The following SCRN1 variants were observed in gnomAD, a reference collection of about 807,000 sequenced individuals.
SCRN1 encodes the protein secernin 1, also known as secernin-1.
SCRN1 carries 19 observed loss-of-function variants against 43.3 expected under a neutral mutation model. That is an observed-to-expected ratio of 0.44 (90% CI 0.31 to 0.64). The LOEUF (loss-of-function observed/expected upper bound fraction) is 0.64, where lower values mean the gene tolerates loss of function less well. Among genes scored for constraint, SCRN1 ranks in the 30% least tolerant of loss-of-function variants. The probability of loss-of-function intolerance (pLI) is 0.09; values close to 1 mark genes in which losing one functional copy is unlikely to be tolerated. For missense variants in SCRN1, 447 were observed against 524.1 expected, an observed-to-expected ratio of 0.85 and a Z score of 1.44; for synonymous variants, 183 against 188.9, an observed-to-expected ratio of 0.97 and a Z score of 0.26.
intron 3 of SCRN1, among the ~76,000 whole-genome samples, chr7:29,944,662 C>CAAAAA (rs397729276): frequency 1.3e-5 from 1 of 77,716 alleles, no homozygotes; most frequent in Non-Finnish European, 2.5e-5. Flanking sequence ...GACCCTGTCT[C>CAAAAA]AAAAAAAAAA....
chr7:29,936,814 A>AT, intron 5 of SCRN1, 93 bp from the exon 6 acceptor site: 1 of 1,003,530 alleles, frequency 1.0e-6, no homozygotes, highest in Non-Finnish European at 1.4e-6. Context: ...TGGGAGGCCG[A>AT]GGCGGGCGGA....
At chr7:29,946,936 T>A (rs1787756206) in intron 3 of SCRN1, among the ~76,000 whole-genome samples, 1 of 152,224 alleles carries the variant, frequency 6.6e-6, no homozygotes, top group Admixed American at 6.5e-5. Context: ...ACAAGTCACA[T>A]GGCATCCAGA....
intron 1 of SCRN1, among the ~76,000 whole-genome samples, chr7:29,969,459 C>A (rs950973357): frequency 2.0e-5 from 3 of 152,206 alleles, no homozygotes; most frequent in Non-Finnish European, 2.9e-5. Context: ...AAACTAACTA[C>A]ACAAATGCCT....
At chr7:29,975,868 AT>A (rs1359608928) in intron 1 of SCRN1, among the ~76,000 whole-genome samples, 1 of 152,232 alleles carries the variant, frequency 6.6e-6, no homozygotes, top group African/African-American at 2.4e-5. Flanking sequence ...TGTTAAGAGT[AT>A]TTTAAAGTGC....
intron 1 of SCRN1, among the ~76,000 whole-genome samples, chr7:29,984,204 C>CAAAAAAAAAAAAAAAAAAAAAAAAAA: frequency 1.0e-5 from 1 of 98,252 alleles, no homozygotes; most frequent in Non-Finnish European, 2.0e-5. Flanking sequence ...AGACAGTCTC[C>CAAAAAAAAAAAAAAAAAAAAAAAAAA]AAAAAAAAAA....
chr7:29,934,954 T>C (rs1245622480), intron 6 of SCRN1, among the ~76,000 whole-genome samples: 1 of 152,266 alleles, frequency 6.6e-6, no homozygotes, highest in Non-Finnish European at 1.5e-5. Context: ...GCCTTTTGCA[T>C]GTGCCGTCCT....
chr7:29,968,975 G>A lies in SCRN1; in HGVS notation c.93C>T (p.Pro31=), dbSNP rs1788584184. Residue 31 remains proline, a synonymous_variant, in exon 2 of 8, where the codon CCC becomes CCT. Coordinates refer to ENST00000242059, the MANE Select transcript of SCRN1 (RefSeq NM_014766.5). ...LVVFGKNSAR[P]RDEVQEVVYF... ...ACACAACCTCTTGCACTTCATCTCT[G>A]GGCCGGGCTGAATTTTTCCCAAATA... 6.2e-7 allele frequency: 1 copy of A among 1,614,094 alleles called. No homozygotes were observed. The highest frequency in any genetic ancestry group is 1.3e-5 in the African/African-American group (1 of 75,024).
rs535506337 is a variant in SCRN1 at position 29,952,500 on chromosome 7, G to A, written c.341+2679C>T. Among the ~76,000 whole-genome samples, 25 of 152,182 alleles carry A rather than the reference G, an allele frequency of 1.6e-4. 1 individual carries two copies. The South Asian group carries it at 5.2e-3, about 32-fold the overall frequency. On this transcript the variant is annotated intron_variant, in intron 3 of 7. Coordinates refer to ENST00000242059, the MANE Select transcript of SCRN1 (RefSeq NM_014766.5). The stretch of plus-strand genomic sequence containing the variant: ...AGGTCAGAAGTTCGAGACCAGCCTG[G>A]TCAACATGGTGAAACCCCGTCCCTA...
chr7:29,981,987 C>G (rs1263859066), intron 1 of SCRN1, among the ~76,000 whole-genome samples: 1 of 152,160 alleles, frequency 6.6e-6, no homozygotes, highest in Non-Finnish European at 1.5e-5. Flanking sequence ...CTAGTACAGG[C>G]TAGGCACAAA....
At chr7:29,946,321 A>G (rs1001891093) in intron 3 of SCRN1, among the ~76,000 whole-genome samples, 7 of 152,226 alleles carry the variant, frequency 4.6e-5, no homozygotes, top group African/African-American at 7.2e-5. Context: ...AGGTGCTGTG[A>G]GTGCCTCTCA....
chr7:29,924,105 C>T lies in SCRN1; in HGVS notation c.1097G>A (p.Arg366His), dbSNP rs777886116. Residue 366 changes from arginine (R) to histidine (H), a missense_variant, in exon 8 of 8, where the codon CGC becomes CAC. Physicochemically the swap from Arg to His is conservative, Grantham distance 29. Coordinates refer to ENST00000242059, the MANE Select transcript of SCRN1 (RefSeq NM_014766.5). ...CTCCAGCATGGTGCTCCTCAGCTTG[C>T]GACCTTGCTCCTGAGGAAGGACACG... is the stretch of plus-strand genomic sequence containing the variant. ...AIIESDQEQG[R>H]KLRSTMLELE... The T allele has an allele frequency of 1.9e-6, 3 of 1,610,534 alleles. No homozygotes were observed. Among genetic ancestry groups the T allele is most frequent in the South Asian group, 1.1e-5 (1 of 90,524 alleles).
At chr7:29,956,419 A>G (rs1788138647) in intron 2 of SCRN1, among the ~76,000 whole-genome samples, 1 of 152,236 alleles carries the variant, frequency 6.6e-6, no homozygotes, top group African/African-American at 2.4e-5. Context: ...TAAGTTACAC[A>G]GTGCTCTGGA....
intron 2 of SCRN1, among the ~76,000 whole-genome samples, chr7:29,961,793 C>G (rs1562816689): frequency 6.9e-6 from 1 of 145,820 alleles, no homozygotes; most frequent in Non-Finnish European, 1.5e-5. Context: ...CCCCCACCTC[C>G]CTCCCGGACG....
intron 1 of SCRN1, among the ~76,000 whole-genome samples, chr7:29,980,839 A>G (rs1054152531): frequency 4.6e-5 from 7 of 152,222 alleles, no homozygotes; most frequent in African/African-American, 1.4e-4. Flanking sequence ...ATGTATATGT[A>G]TATACCTATA....
upstream of SCRN1, chr7:29,990,146 A>C (rs1357474610): frequency 6.4e-7 from 1 of 1,551,394 alleles, no homozygotes; most frequent in Admixed American, 2.0e-5. Context: ...CTCGGCGCCC[A>C]CACAAGATTT....
At position 29,965,606 on chromosome 7, in the gene SCRN1, G is replaced by A. The variant is rs1018346218; in HGVS notation, c.159+3303C>T. Among the ~76,000 whole-genome samples, 1 of 152,180 alleles carries A rather than the reference G, an allele frequency of 6.6e-6. No homozygotes were observed. The highest frequency in any genetic ancestry group is 1.5e-5 in the Non-Finnish European group (1 of 68,040). Reference sequence around the variant, plus strand: ...ATGAATTTGCTTTCTTACCCGTGAGGTTATTTCACCTGCAGAATATGCAAG... The same window carrying A: ...ATGAATTTGCTTTCTTACCCGTGAGATTATTTCACCTGCAGAATATGCAAG... On this transcript the variant is annotated intron_variant, in intron 2 of 7. Transcript: ENST00000242059. The surrounding 1 kb of genome is among the most constrained non-coding windows in gnomAD (Gnocchi z 4.2).
At chr7:29,980,114 G>T (rs1441768552) in intron 1 of SCRN1, among the ~76,000 whole-genome samples, 2 of 152,174 alleles carry the variant, frequency 1.3e-5, no homozygotes, top group South Asian at 2.1e-4. Flanking sequence ...TGTCAACCAT[G>T]TACAGTTATG....
intron 7 of SCRN1, among the ~76,000 whole-genome samples, chr7:29,926,237 A>G (rs568084683): frequency 6.6e-6 from 1 of 152,354 alleles, no homozygotes; most frequent in East Asian, 1.9e-4. Flanking sequence ...CATGAGAAGC[A>G]GAAGCTTTGT....
At chr7:29,988,234 A>T (rs1357705436) in intron 1 of SCRN1, among the ~76,000 whole-genome samples, 1 of 152,204 alleles carries the variant, frequency 6.6e-6, no homozygotes, top group Non-Finnish European at 1.5e-5. Context: ...GCTTGTAGGT[A>T]TCAAACGACC....
Sources: allele counts gnomAD v4.1 joint callset (sites outside exome capture counted in the v4.1 genomes callset), GRCh38; gene constraint gnomAD v4.1.1; non-coding constraint Gnocchi (gnomAD v3.1); transcripts MANE v1.5; gene names NCBI Gene and HGNC (gene_info 2026-07-23, HGNC 2026-07-21).